The following GMDS variants were observed in gnomAD, a reference collection of about 807,000 sequenced individuals.
The protein encoded by GMDS is GDP-mannose 4,6 dehydratase.
Under a neutral mutation model 49.9 loss-of-function variants are expected in GMDS, and 20 were observed. The observed-to-expected ratio is 0.40, with a 90% CI of 0.28 to 0.58. The LOEUF (loss-of-function observed/expected upper bound fraction) is 0.58, where lower values mean the gene tolerates loss of function less well. Among genes scored for constraint, GMDS ranks in the 20% least tolerant of loss-of-function variants. The pLI is 0.42. For missense variants in GMDS, 362 were observed against 481.4 expected, an observed-to-expected ratio of 0.75 and a Z score of 2.32; for synonymous variants, 177 against 178.6, an observed-to-expected ratio of 0.99 and a Z score of 0.07.
At chr6:2,074,819 T>C (rs1486473943) in intron 4 of GMDS, among the ~76,000 whole-genome samples, 1 of 152,164 alleles carries the variant, frequency 6.6e-6, no homozygotes, top group Non-Finnish European at 1.5e-5. Context: ...TAAGTCTTCC[T>C]ATACTGGGAG....
intron 8 of GMDS, among the ~76,000 whole-genome samples, chr6:1,730,705 G>A (rs181466761): frequency 7.6e-4 from 116 of 152,248 alleles, no homozygotes; most frequent in Non-Finnish European, 1.4e-3. Context: ...GGACACTGGG[G>A]AGGCTCCTCT....
chr6:1,911,204 G>C (rs1375330333), intron 7 of GMDS, among the ~76,000 whole-genome samples: 5 of 152,186 alleles, frequency 3.3e-5, no homozygotes. Context: ...ACCAGAGCTG[G>C]GGAAACTGTC....
At chr6:2,048,992 G>A (rs893752734) in intron 4 of GMDS, among the ~76,000 whole-genome samples, 5 of 152,026 alleles carry the variant, frequency 3.3e-5, no homozygotes, top group Admixed American at 2.0e-4. Context: ...CATGGGATTC[G>A]TGCCCTTATG....
Position 2,041,290 on chromosome 6 carries a change from TA to T in GMDS, c.345+74480del, listed in dbSNP as rs763301439. ...AATAAATGCCTAAGGCAGTACTTGT[TA>T]TAGGTATGCCCAAAAAATGGTAATA... On this transcript the variant is annotated intron_variant, in intron 4 of 10. Transcript: ENST00000380815. 4.6e-5 allele frequency among the ~76,000 whole-genome samples: 7 copies of T among 152,328 alleles called. No homozygotes were observed. In the East Asian group the frequency reaches 1.4e-3, roughly 29 times the overall value.
At chr6:2,059,424 A>C (rs2127445481) in intron 4 of GMDS, among the ~76,000 whole-genome samples, 1 of 151,928 alleles carries the variant, frequency 6.6e-6, no homozygotes, top group African/African-American at 2.4e-5. Context: ...AAAATGCACT[A>C]CTGGCCGGGC....
intron 7 of GMDS, among the ~76,000 whole-genome samples, chr6:1,758,777 G>A (rs748759803): frequency 3.2e-4 from 49 of 152,312 alleles, no homozygotes; most frequent in Middle Eastern, 3.4e-3. Context: ...TATTCACTGG[G>A]TGACTTCTGG....
At chr6:1,792,218 C>A (rs981477409) in intron 7 of GMDS, among the ~76,000 whole-genome samples, 3 of 151,876 alleles carry the variant, frequency 2.0e-5, no homozygotes, top group Admixed American at 2.0e-4. Flanking sequence ...AACCCATCCC[C>A]TTTCCCCACC....
rs1763849547 is a variant in GMDS, at chr6:1,959,970, C to T, written c.540G>A (p.Gly180=). 6.3e-7 allele frequency: 1 copy of T among 1,580,504 alleles called. No homozygotes were observed. The highest frequency in any genetic ancestry group is 8.6e-7 in the Non-Finnish European group (1 of 1,160,280). ...TCCAATAGGCATAGAGTTTTGCTGC[C>T]CCTGTTGGAATAATTTTTTTTAAGC... is the stretch of plus-strand genomic sequence containing the variant. ...TTPFYPRSPY[G]AAKLYAYWIV... is the part of the protein sequence containing the mutation. Residue 180 remains glycine, a splice_region_variant and synonymous_variant, in exon 6 of 11, where the codon GGG becomes GGA. Transcript: ENST00000380815.
chr6:2,110,940 T>G (rs1774512010), intron 4 of GMDS, among the ~76,000 whole-genome samples: 1 of 152,170 alleles, frequency 6.6e-6, no homozygotes, highest in African/African-American at 2.4e-5. Context: ...CTGTCTCCAC[T>G]AAAGACACAT....
intron 4 of GMDS, among the ~76,000 whole-genome samples, chr6:1,993,930 G>A (rs1311521115): frequency 6.6e-6 from 1 of 152,162 alleles, no homozygotes; most frequent in Non-Finnish European, 1.5e-5. Context: ...ACTCCATGGG[G>A]CTCTGCCCAC....
chr6:1,636,764 G>A (rs144638633), intron 9 of GMDS, among the ~76,000 whole-genome samples: 9 of 152,332 alleles, frequency 5.9e-5, no homozygotes, highest in Non-Finnish European at 1.0e-4. Flanking sequence ...ATTCTTACCC[G>A]TACCAGTGGG....
At chr6:1,862,382 C>T (rs1419502573) in intron 7 of GMDS, among the ~76,000 whole-genome samples, 1 of 140,532 alleles carries the variant, frequency 7.1e-6, no homozygotes, top group East Asian at 2.1e-4. Flanking sequence ...ATCCTGCTGG[C>T]ACAGCTTCGA....
chr6:1,794,749 C>T (rs150583838), intron 7 of GMDS, among the ~76,000 whole-genome samples: 7 of 152,286 alleles, frequency 4.6e-5, no homozygotes, highest in African/African-American at 1.2e-4. Flanking sequence ...ATTCGGGACA[C>T]GTCATTCTTA....
intron 9 of GMDS, among the ~76,000 whole-genome samples, chr6:1,634,726 T>C (rs1354254997): frequency 6.6e-6 from 1 of 151,902 alleles, no homozygotes; most frequent in South Asian, 2.1e-4. Flanking sequence ...ATGCTGCCTG[T>C]GGGTTAGAAA....
intron 9 of GMDS, among the ~76,000 whole-genome samples, chr6:1,676,149 G>A (rs1411695744): frequency 6.6e-6 from 1 of 152,124 alleles, no homozygotes; most frequent in Non-Finnish European, 1.5e-5. Context: ...CAGACAAACA[G>A]AGAGCCAAAT....
chr6:1,631,045 G>A (rs1456985134), intron 9 of GMDS, among the ~76,000 whole-genome samples: 1 of 152,198 alleles, frequency 6.6e-6, no homozygotes, highest in Non-Finnish European at 1.5e-5. Context: ...TACCCATGCT[G>A]GAAGGAGGTG....
intron 4 of GMDS, among the ~76,000 whole-genome samples, chr6:2,008,591 T>C (rs1458912414): frequency 6.6e-6 from 1 of 152,186 alleles, no homozygotes; most frequent in Non-Finnish European, 1.5e-5. Flanking sequence ...TACTCTATAT[T>C]GCTGGGCAAA....
intron 7 of GMDS, among the ~76,000 whole-genome samples, chr6:1,874,611 G>A (rs1758940477): frequency 6.6e-6 from 1 of 152,092 alleles, no homozygotes; most frequent in Non-Finnish European, 1.5e-5. Context: ...TTATATGTCA[G>A]TAACCCTTTA....
At chr6:2,212,726 A>C (rs1298000840) in intron 1 of GMDS, among the ~76,000 whole-genome samples, 8 of 147,872 alleles carry the variant, frequency 5.4e-5, no homozygotes, top group African/African-American at 9.9e-5. Context: ...AAAAAAAAAA[A>C]AAACTAAATT....
Sources: allele counts gnomAD v4.1 joint callset (sites outside exome capture counted in the v4.1 genomes callset), GRCh38; gene constraint gnomAD v4.1.1; transcripts MANE v1.5; gene names NCBI Gene and HGNC (gene_info 2026-07-23, HGNC 2026-07-21).